Variants in HSPA12A observed in about 807,000 individuals in gnomAD.
HSPA12A encodes heat shock protein family A (Hsp70) member 12A, also known as heat shock 70 kDa protein 12A.
HSPA12A carries 28 observed loss-of-function variants against 69.2 expected under a neutral mutation model. The observed-to-expected ratio is 0.40, with a 90% CI of 0.30 to 0.55. The LOEUF (loss-of-function observed/expected upper bound fraction) is 0.55. Ranked by LOEUF, HSPA12A falls within the 20% of genes least tolerant of loss-of-function variation. HSPA12A has a pLI of 0.38. For synonymous variants in HSPA12A, 345 were observed against 370.5 expected (o/e 0.93, Z 0.79); for missense variants, 686 against 900.7 (o/e 0.76, Z 3.05).
At chr10:116,722,274 C>A (rs1427754461) in intron 1 of HSPA12A, among the ~76,000 whole-genome samples, 3 of 152,334 alleles carry the variant, frequency 2.0e-5, no homozygotes, top group Middle Eastern at 3.4e-3. Flanking sequence ...CAATCCTCCC[C>A]CACAGAGCCC....
intron 7 of HSPA12A, among the ~76,000 whole-genome samples, chr10:116,682,458 G>T (rs201992486): frequency 1.1e-4 from 16 of 151,484 alleles, no homozygotes; most frequent in South Asian, 4.2e-4. Flanking sequence ...AATAGACTGG[G>T]GGGGGGGGCC....
chr10:116,825,305 T>C (rs1034397557), intron 2 of HSPA12A, among the ~76,000 whole-genome samples: 7 of 148,966 alleles, frequency 4.7e-5, no homozygotes, highest in African/African-American at 1.7e-4. Flanking sequence ...AGCTCAGGAG[T>C]TCAAGACCAG....
In HSPA12A at chr10:116,674,497, C is replaced by T. The variant is rs144936592; in HGVS notation, c.*284G>A. The T allele has an allele frequency of 1.8e-5, 8 of 456,580 alleles. No homozygotes were observed. Among genetic ancestry groups the T allele is most frequent in the Middle Eastern group, 6.0e-4 (1 of 1,656 alleles). The allele number at this position is 456,580 out of a possible 1,614,324, so 28.3% of individuals were successfully genotyped here. ...CACTGCTGCAGAAATGTACTGATTC[C>T]CTTCTCCGTGGCCATTTCACCACTT... On this transcript the variant is annotated 3_prime_UTR_variant, in exon 12 of 12. Coordinates refer to ENST00000369209, the MANE Select transcript of HSPA12A (RefSeq NM_025015.3).
intron 4 of HSPA12A, 116 bp from the exon 5 acceptor site, chr10:116,698,855 C>T: frequency 1.3e-6 from 1 of 775,130 alleles, no homozygotes; most frequent in East Asian, 2.5e-5. Context: ...GTCTGTGTTC[C>T]CCCATGCTTA....
At chr10:116,848,234 G>C (rs967015844) in intron 1 of HSPA12A, among the ~76,000 whole-genome samples, 2 of 152,362 alleles carry the variant, frequency 1.3e-5, no homozygotes, top group African/African-American at 2.4e-5. Flanking sequence ...CTAGCAAGGA[G>C]AGAAGGCAGG....
chr10:116,848,473 A>G (rs1394791405), intron 1 of HSPA12A, among the ~76,000 whole-genome samples: 1 of 152,198 alleles, frequency 6.6e-6, no homozygotes, highest in African/African-American at 2.4e-5. Context: ...CAGGCAGAGG[A>G]GGTAAGATGA....
chr10:116,840,357 C>T (rs921576901), intron 1 of HSPA12A, among the ~76,000 whole-genome samples: 2 of 152,088 alleles, frequency 1.3e-5, no homozygotes, highest in African/African-American at 4.8e-5. Context: ...CATTCTAAAG[C>T]TTACACATTG....
intron 9 of HSPA12A, among the ~76,000 whole-genome samples, chr10:116,680,320 T>A (rs2121539): frequency 1 from 151,795 of 152,114 alleles, 75,740 homozygotes; most frequent in Middle Eastern, 1. Context: ...TTACATTTTT[T>A]AAAAAATCAA....
At chr10:116,734,793 A>T (rs1851264875) in intron 1 of HSPA12A, among the ~76,000 whole-genome samples, 1 of 151,976 alleles carries the variant, frequency 6.6e-6, no homozygotes, top group Non-Finnish European at 1.5e-5. Flanking sequence ...GGAGATCGAG[A>T]CCATCCTAGC....
At chr10:116,730,715 T>C (rs1415527959) in intron 1 of HSPA12A, among the ~76,000 whole-genome samples, 3 of 152,246 alleles carry the variant, frequency 2.0e-5, no homozygotes, top group Non-Finnish European at 4.4e-5. Flanking sequence ...CAACCTGTTC[T>C]AGCAGCTTTG....
chr10:116,805,874 C>T (rs1350111839), intron 2 of HSPA12A, among the ~76,000 whole-genome samples: 6 of 152,160 alleles, frequency 3.9e-5, no homozygotes, highest in Admixed American at 6.5e-5. Context: ...CATTTTGCTG[C>T]GTAAAAGGAT....
chr10:116,850,050 C>A, upstream of HSPA12A: 1 of 515,034 alleles, frequency 1.9e-6, no homozygotes, highest in Non-Finnish European at 3.5e-6. Flanking sequence ...TGTGGGCCGG[C>A]CCACCGCCCA....
chr10:116,681,288 CTGTT>C (rs782403696), intron 8 of HSPA12A, 32 bp from the exon 9 acceptor site: 9 of 1,573,688 alleles, frequency 5.7e-6, no homozygotes, highest in Middle Eastern at 3.4e-4. Flanking sequence ...TTTACACAGA[CTGTT>C]TGCCAACCCC....
intron 2 of HSPA12A, among the ~76,000 whole-genome samples, chr10:116,785,385 C>G (rs1388783421): frequency 2.0e-5 from 3 of 152,070 alleles, no homozygotes; most frequent in Non-Finnish European, 4.4e-5. Context: ...CATGGCAGCC[C>G]GGGGACAGAG....
At chr10:116,708,667 G>A (rs1850332931) in intron 1 of HSPA12A, among the ~76,000 whole-genome samples, 1 of 152,186 alleles carries the variant, frequency 6.6e-6, no homozygotes, top group South Asian at 2.1e-4. Flanking sequence ...TTCCTATCTT[G>A]GGGAGGGAGA....
chr10:116,683,683 T>G (rs782494872), intron 7 of HSPA12A, 108 bp downstream of exon 7: 27 of 1,173,630 alleles, frequency 2.3e-5, no homozygotes, highest in Non-Finnish European at 3.1e-5. Flanking sequence ...CGGAGTATCC[T>G]GATTCTTCAT....
upstream of HSPA12A, chr10:116,849,903 C>A: frequency 1.2e-6 from 1 of 800,224 alleles, no homozygotes; most frequent in South Asian, 1.5e-5. Context: ...GGAAGGACAC[C>A]CAGGGGTGAA....
intron 1 of HSPA12A, among the ~76,000 whole-genome samples, chr10:116,849,286 C>G (rs1176516233): frequency 6.6e-6 from 1 of 152,190 alleles, no homozygotes; most frequent in Non-Finnish European, 1.5e-5. Flanking sequence ...TGGAAAATCG[C>G]CAGGGAAAAG....
At position 116,757,454 on chromosome 10, in the gene HSPA12A, A is replaced by T. The variant is rs548885980; in HGVS notation, c.92-50169T>A. On this transcript the variant is annotated intron_variant, in intron 2 of 12. Transcript: ENST00000635765. ...ACAACCAGGCCCCTCTCCCAAGGTC[A>T]CCTGACTTCCCTCCAAATGCCCTTC... Among the ~76,000 whole-genome samples, 61 of 152,306 alleles carry T rather than the reference A, an allele frequency of 4.0e-4. 1 individual carries two copies. The highest frequency in any genetic ancestry group is 6.6e-4 in the Non-Finnish European group (45 of 68,024).
Sources: allele counts gnomAD v4.1 joint callset (sites outside exome capture counted in the v4.1 genomes callset), GRCh38; gene constraint gnomAD v4.1.1; transcripts MANE v1.5; gene names NCBI Gene and HGNC (gene_info 2026-07-23, HGNC 2026-07-21).